The following NLRP5 variants were observed in gnomAD, a reference collection of about 807,000 sequenced individuals.
NLRP5 encodes the protein NACHT, LRR and PYD domains-containing protein 5.
NLRP5 carries 93 observed loss-of-function variants against 113.1 expected under a neutral mutation model. That is an observed-to-expected ratio of 0.82 (90% CI 0.70 to 0.98). The LOEUF (loss-of-function observed/expected upper bound fraction) is 0.98. NLRP5 is among the 50% of genes least tolerant of loss of function. NLRP5 has a pLI of 0.00. For missense variants in NLRP5, 1,808 were observed against 1,514.3 expected, an observed-to-expected ratio of 1.19 and a Z score of -3.22; for synonymous variants, 751 against 600.7, an observed-to-expected ratio of 1.25 and a Z score of -3.66.
At position 56,010,742 on chromosome 19, in the gene NLRP5, C is replaced by CAAAAAAAAAAAAAAAAAAAAAAAAAAAA. The variant is rs1412317286; in HGVS notation, c.508+1902_508+1903insAAAAAAAAAAAAAAAAAAAAAAAAAAAA. Among the ~76,000 whole-genome samples, 61 of 41,210 alleles carry CAAAAAAAAAAAAAAAAAAAAAAAAAAAA rather than the reference C, an allele frequency of 1.5e-3. 1 individual carries two copies. The highest frequency in any genetic ancestry group is 2.3e-3 in the African/African-American group (22 of 9,590). The allele number at this position is 41,210 out of a possible 152,430, so 27.0% of individuals were successfully genotyped here. On this transcript the variant is annotated intron_variant, in intron 3 of 14. Coordinates refer to ENST00000390649, the MANE Select transcript of NLRP5 (RefSeq NM_153447.4). ...GGGAAACAAGAGCTTAACTCTGTCTCAAAAAAAAAAAAAGTCCCTTGAAAC... is the reference window on the plus strand; with the variant it reads ...GGGAAACAAGAGCTTAACTCTGTCTCAAAAAAAAAAAAAAAAAAAAAAAAAAAAAAAAAAAAAAAAAGTCCCTTGAAAC...
intron 1 of NLRP5, among the ~76,000 whole-genome samples, chr19:56,000,891 A>C (rs1203286682): frequency 6.6e-6 from 1 of 151,812 alleles, no homozygotes; most frequent in Non-Finnish European, 1.5e-5. Context: ...CTGTAATCCC[A>C]GCTACTTGGG....
chr19:56,058,124 TTTTTG>T (rs199753059), intron 13 of NLRP5, 111 bp from the exon 14 acceptor site: 21,806 of 853,494 alleles, frequency 0.026, 444 homozygotes, highest in African/African-American at 0.074. Flanking sequence ...TTTTTGTTTG[TTTTTG>T]TTTTGTTTTG....
intron 7 of NLRP5, among the ~76,000 whole-genome samples, chr19:56,031,596 A>T (rs1233024331): frequency 1.4e-5 from 2 of 144,182 alleles, no homozygotes; most frequent in East Asian, 4.1e-4. Context: ...ATGCCACTGC[A>T]CTCCAGCCTG....
intron 1 of NLRP5, among the ~76,000 whole-genome samples, chr19:56,002,382 G>A (rs148460835): frequency 1.4e-3 from 218 of 151,940 alleles, no homozygotes; most frequent in Middle Eastern, 3.4e-3. Context: ...GTTAACAGGT[G>A]TAACAGAAAT....
intron 4 of NLRP5, among the ~76,000 whole-genome samples, chr19:56,016,179 G>C (rs1359503526): frequency 6.6e-6 from 1 of 152,076 alleles, no homozygotes; most frequent in Non-Finnish European, 1.5e-5. Flanking sequence ...TTGAGATGGA[G>C]TTCTTTTCTT....
chr19:55,988,246 A>G, the NLRP5 span: 1 of 165,378 alleles, frequency 6.0e-6, no homozygotes, highest in Non-Finnish European at 1.3e-5. Flanking sequence ...AAAAATACAA[A>G]AAATTAGGCG....
chr19:56,038,020 T>C lies in NLRP5; in HGVS notation c.2616-5T>C. On this transcript the variant is annotated splice_region_variant and splice_polypyrimidine_tract_variant and intron_variant, in intron 9 of 14. Coordinates refer to ENST00000390649, the MANE Select transcript of NLRP5 (RefSeq NM_153447.4). ...GGGATTGCTTCATGCTGCCTGTCTC[T>C]GCAGGCTGGATTGCTGTGGATTGAC... 1.2e-6 allele frequency: 2 copies of C among 1,613,880 alleles called. No homozygotes were observed. Among genetic ancestry groups the C allele is most frequent in the Non-Finnish European group, 1.7e-6 (2 of 1,179,834 alleles).
At chr19:56,013,857 T>C (rs547512634) in intron 3 of NLRP5, among the ~76,000 whole-genome samples, 60 of 152,272 alleles carry the variant, frequency 3.9e-4, no homozygotes, top group Non-Finnish European at 7.4e-4. Flanking sequence ...GTAACCATCC[T>C]AGTAGTTATG....
upstream of NLRP5, among the ~76,000 whole-genome samples, chr19:55,998,113 C>G (rs1445463541): frequency 1.3e-5 from 2 of 152,104 alleles, no homozygotes; most frequent in African/African-American, 4.8e-5. Flanking sequence ...AACCTTGCCT[C>G]TTTTAATGAA....
chr19:56,027,398 A>G lies in NLRP5; in HGVS notation c.1165A>G (p.Thr389Ala), dbSNP rs779213094. The G allele has an allele frequency of 1.2e-6, 2 of 1,613,422 alleles. No homozygotes were observed. Among genetic ancestry groups the G allele is most frequent in the South Asian group, 1.1e-5 (1 of 90,984 alleles). ...CTGGGCTGAGAAGCAGCCTCCGTTCACCCTCATACGCAGTCTGCTGAGGAA... is the reference window on the plus strand; with the variant it reads ...CTGGGCTGAGAAGCAGCCTCCGTTCGCCCTCATACGCAGTCTGCTGAGGAA... Residue 389 changes from threonine (T) to alanine (A), a missense_variant, in exon 7 of 15, where the codon ACC (threonine) becomes GCC (alanine). By Grantham distance (58) the Thr-to-Ala change is moderately conservative (BLOSUM62 0). Transcript: ENST00000390649.
chr19:56,005,107 A>AAAAAAAAAAAAAAAAAAATATATAT (rs1173746273), intron 2 of NLRP5, among the ~76,000 whole-genome samples: 1 of 95,344 alleles, frequency 1.0e-5, no homozygotes, highest in African/African-American at 3.9e-5. Flanking sequence ...AAAAAAAAAA[A>AAAAAAAAAAAAAAAAAAATATATAT]ATATATATAT....
chr19:56,022,981 C>G (rs549967941), intron 6 of NLRP5, among the ~76,000 whole-genome samples: 2 of 152,288 alleles, frequency 1.3e-5, no homozygotes, highest in East Asian at 3.9e-4. Flanking sequence ...CTGCCTCGGC[C>G]TCCCAAAGTG....
chr19:56,050,059 C>G (rs903681568), intron 11 of NLRP5, among the ~76,000 whole-genome samples: 6 of 152,096 alleles, frequency 3.9e-5, no homozygotes, highest in African/African-American at 1.4e-4. Context: ...GTGGGCAGAT[C>G]ACCTGAGGTC....
chr19:56,026,527 CAAAAAAA>C (rs375845864), intron 6 of NLRP5, among the ~76,000 whole-genome samples: 20 of 40,352 alleles, frequency 5.0e-4, no homozygotes, highest in African/African-American at 8.7e-4. Context: ...GACTCCATCT[CAAAAAAA>C]AAAAAAAAAA....
intron 4 of NLRP5, among the ~76,000 whole-genome samples, chr19:56,018,413 T>C (rs1395513820): frequency 6.6e-6 from 1 of 152,208 alleles, no homozygotes; most frequent in East Asian, 1.9e-4. Context: ...GTAGCTACTA[T>C]ATGCCAGAGG....
intron 8 of NLRP5, 63 bp from the exon 9 acceptor site, chr19:56,033,479 G>A (rs1474234011): frequency 6.2e-6 from 8 of 1,295,804 alleles, no homozygotes; most frequent in Admixed American, 4.3e-5. Context: ...AGGATGGGAA[G>A]GAAAAATGAG....
At chr19:56,026,621 C>T (rs541255704) in intron 6 of NLRP5, among the ~76,000 whole-genome samples, 1 of 150,532 alleles carries the variant, frequency 6.6e-6, no homozygotes, top group South Asian at 2.1e-4. Context: ...GCTCTGTGAC[C>T]AGGCTGGAGT....
At chr19:55,991,352 T>C in the NLRP5 span, among the ~76,000 whole-genome samples, 14,254 of 152,186 alleles carry the variant, frequency 0.094, 801 homozygotes, top group African/African-American at 0.15. Context: ...TCTTAGAATT[T>C]TCTTGTCTAG....
At chr19:56,006,904 T>C (rs1981938883) in intron 2 of NLRP5, among the ~76,000 whole-genome samples, 1 of 151,384 alleles carries the variant, frequency 6.6e-6, no homozygotes, top group Admixed American at 6.6e-5. Context: ...CACTCCTGGC[T>C]AATTTTTTGT....
Sources: allele counts gnomAD v4.1 joint callset (sites outside exome capture counted in the v4.1 genomes callset), GRCh38; gene constraint gnomAD v4.1.1; transcripts MANE v1.5; gene names NCBI Gene and HGNC (gene_info 2026-07-23, HGNC 2026-07-21).